The following PTBP3 variants were observed in gnomAD, a reference collection of about 807,000 sequenced individuals.
PTBP3 encodes polypyrimidine tract binding protein 3.
A neutral mutation model predicts 58.7 loss-of-function variants in PTBP3; 20 were observed. That is an observed-to-expected ratio of 0.34 (90% CI 0.24 to 0.50). PTBP3 has a LOEUF of 0.50. Ranked by LOEUF, PTBP3 falls within the 20% of genes least tolerant of loss-of-function variation. The pLI is 0.98. For missense variants in PTBP3, 509 were observed against 637.2 expected, an observed-to-expected ratio of 0.80 and a Z score of 2.17; for synonymous variants, 185 against 219.8, an observed-to-expected ratio of 0.84 and a Z score of 1.40.
chr9:112,378,889 T>C, the PTBP3 span, among the ~76,000 whole-genome samples: 1 of 152,060 alleles, frequency 6.6e-6, no homozygotes, highest in Non-Finnish European at 1.5e-5. Context: ...TTAGGGCCCA[T>C]AACAAAGGGG....
the PTBP3 span, among the ~76,000 whole-genome samples, chr9:112,379,623 A>G: frequency 6.6e-6 from 1 of 152,148 alleles, no homozygotes; most frequent in Non-Finnish European, 1.5e-5. Flanking sequence ...CCACAAAGGC[A>G]ATTTCTGCCC....
chr9:112,241,604 C>T (rs1384553813), intron 7 of PTBP3, among the ~76,000 whole-genome samples: 1 of 152,162 alleles, frequency 6.6e-6, no homozygotes, highest in African/African-American at 2.4e-5. Context: ...ACATGCCATA[C>T]AGTCTAGGTG....
intron 2 of PTBP3, among the ~76,000 whole-genome samples, chr9:112,282,794 G>A (rs1012480230): frequency 6.6e-6 from 1 of 152,090 alleles, no homozygotes; most frequent in African/African-American, 2.4e-5. Context: ...GATACAGCCT[G>A]CCTATCTTGG....
intron 3 of PTBP3, among the ~76,000 whole-genome samples, chr9:112,272,380 T>C (rs1210834014): frequency 6.6e-6 from 1 of 152,198 alleles, no homozygotes; most frequent in Non-Finnish European, 1.5e-5. Flanking sequence ...CGCCCTATTT[T>C]AATGATTAGT....
At chr9:112,365,529 G>GT in the PTBP3 span, among the ~76,000 whole-genome samples, 1 of 152,186 alleles carries the variant, frequency 6.6e-6, no homozygotes, top group African/African-American at 2.4e-5. Flanking sequence ...ATGTGGAACT[G>GT]TAAGTCCATT....
intron 1 of PTBP3, among the ~76,000 whole-genome samples, chr9:112,305,497 T>G (rs1333000489): frequency 5.3e-5 from 8 of 152,144 alleles, no homozygotes; most frequent in Non-Finnish European, 1.2e-4. Context: ...CCCTGGTTGA[T>G]AATACTCCTT....
intron 2 of PTBP3, chr9:112,281,423 AG>A (rs1827861258): frequency 6.6e-6 from 1 of 152,250 alleles, no homozygotes; most frequent in Non-Finnish European, 1.5e-5. Flanking sequence ...CCACCGCTGC[AG>A]CTTGTACTCT....
At chr9:112,318,526 A>C (rs1156995705) in intron 1 of PTBP3, among the ~76,000 whole-genome samples, 1 of 152,198 alleles carries the variant, frequency 6.6e-6, no homozygotes, top group Non-Finnish European at 1.5e-5. Context: ...CTGGGAGGCC[A>C]AGGTGGGCAG....
intron 2 of PTBP3, among the ~76,000 whole-genome samples, chr9:112,286,504 T>G (rs539666868): frequency 6.6e-5 from 10 of 152,200 alleles, no homozygotes; most frequent in Admixed American, 1.3e-4. Flanking sequence ...ATCTTTAATT[T>G]ATCACAGAGT....
In PTBP3 at chr9:112,222,871, C is replaced by T. The variant is rs1361105410; in HGVS notation, c.*980G>A. On this transcript the variant is annotated 3_prime_UTR_variant, in exon 14 of 14. Transcript: ENST00000374257. ...AGAGATTATAGTGGTACAAAAAACCCTTGAGATTAATTTTTTTCTAAAAGA... is the reference window on the plus strand; with the variant it reads ...AGAGATTATAGTGGTACAAAAAACCTTTGAGATTAATTTTTTTCTAAAAGA... The T allele has an allele frequency of 3.4e-6, 3 of 890,722 alleles. No individual in the cohort carries two copies. In the Admixed American group the frequency reaches 1.9e-4, roughly 55 times the overall value. The allele number at this position is 890,722 out of a possible 1,614,324, so 55.2% of individuals were successfully genotyped here.
chr9:112,376,543 C>T, the PTBP3 span, among the ~76,000 whole-genome samples: 5 of 152,124 alleles, frequency 3.3e-5, no homozygotes, highest in East Asian at 5.8e-4. Flanking sequence ...TAAGCCACCG[C>T]GCCCAGCCTA....
At chr9:112,287,565 T>C (rs1015579054) in intron 2 of PTBP3, among the ~76,000 whole-genome samples, 1 of 151,914 alleles carries the variant, frequency 6.6e-6, no homozygotes, top group Non-Finnish European at 1.5e-5. Flanking sequence ...GGTCTCAAAC[T>C]CCTGACCTCA....
Position 112,302,582 on chromosome 9 carries a change from C to CTTTTTTTTTTTTTTT in PTBP3, c.-51-4681_-51-4667dup, listed in dbSNP as rs369208342. On this transcript the variant is annotated intron_variant, in intron 1 of 13. Coordinates refer to ENST00000374257, the MANE Select transcript of PTBP3 (RefSeq NM_001163788.4). ...CCCAAAAGCTGACTATATTCTTCAT[C>CTTTTTTTTTTTTTTT]TTTTTTTTTTTTTTTTTTTTTTTGG... Among the ~76,000 whole-genome samples, 43 of 110,494 alleles carry CTTTTTTTTTTTTTTT rather than the reference C, an allele frequency of 3.9e-4. 3 individuals are homozygous for CTTTTTTTTTTTTTTT. Among genetic ancestry groups the CTTTTTTTTTTTTTTT allele is most frequent in the African/African-American group, 1.3e-3 (39 of 31,146 alleles). 72.5% of individuals were successfully genotyped at this position (110,494 alleles called of 152,430 possible). A position where few individuals can be genotyped will look rare whatever the true frequency, so the allele number is the denominator to read the frequency against.
chr9:112,320,998 C>T (rs1280451889), intron 1 of PTBP3, among the ~76,000 whole-genome samples: 2 of 152,000 alleles, frequency 1.3e-5, no homozygotes, highest in Non-Finnish European at 2.9e-5. Flanking sequence ...AAGCTATAAC[C>T]TAAAAGGAAA....
rs1415869048 is a variant in PTBP3 at position 112,326,574 on chromosome 9, G to T, written c.-52+6896C>A. Among the ~76,000 whole-genome samples the T allele has an allele frequency of 2.0e-5, 3 of 152,310 alleles. No homozygotes were observed. The South Asian group carries it at 6.2e-4, about 32-fold the overall frequency. Reference sequence around the variant, plus strand: ...ATACTGACAGGCATGATAATCACTAGAAGTCCTTCCCATATATGTGAGTTT... The same window carrying T: ...ATACTGACAGGCATGATAATCACTATAAGTCCTTCCCATATATGTGAGTTT... On this transcript the variant is annotated intron_variant, in intron 1 of 13. Transcript: ENST00000374257.
the PTBP3 span, among the ~76,000 whole-genome samples, chr9:112,355,536 A>G: frequency 6.6e-6 from 1 of 152,202 alleles, no homozygotes; most frequent in Non-Finnish European, 1.5e-5. Flanking sequence ...CATGTTCATC[A>G]AAGACCCGTC....
chr9:112,358,457 C>A, the PTBP3 span, among the ~76,000 whole-genome samples: 5,712 of 152,236 alleles, frequency 0.038, 174 homozygotes, highest in South Asian at 0.089. Flanking sequence ...AATAGTGCCA[C>A]GGCTGAGAAA....
chr9:112,357,902 T>C, the PTBP3 span, among the ~76,000 whole-genome samples: 2 of 152,240 alleles, frequency 1.3e-5, no homozygotes, highest in African/African-American at 2.4e-5. Flanking sequence ...GAGTTGGAGA[T>C]AGATGGGGTG....
intron 2 of PTBP3, among the ~76,000 whole-genome samples, chr9:112,286,883 T>C (rs1460108331): frequency 2.0e-5 from 3 of 152,210 alleles, no homozygotes; most frequent in Non-Finnish European, 4.4e-5. Flanking sequence ...AAATTCCATA[T>C]AGAATTCCAG....
Sources: allele counts gnomAD v4.1 joint callset (sites outside exome capture counted in the v4.1 genomes callset), GRCh38; gene constraint gnomAD v4.1.1; transcripts MANE v1.5; gene names NCBI Gene and HGNC (gene_info 2026-07-23, HGNC 2026-07-21).